The following ADCY7 variants were observed in gnomAD, a reference collection of about 807,000 sequenced individuals.
The protein encoded by ADCY7 is adenylate cyclase type 7.
Under a neutral mutation model 120.6 loss-of-function variants are expected in ADCY7, and 72 were observed. The observed-to-expected ratio is 0.60, with a 90% CI of 0.49 to 0.73. The LOEUF is 0.73. ADCY7 is among the 30% of genes least tolerant of loss of function. The probability of loss-of-function intolerance (pLI) is 0.00; values close to 1 mark genes in which losing one functional copy is unlikely to be tolerated. For synonymous variants in ADCY7, 661 were observed against 628.0 expected (o/e 1.05, Z -0.78); for missense variants, 1,227 against 1,486.0 (o/e 0.83, Z 2.87).
At position 50,290,450 on chromosome 16, in the gene ADCY7, C is replaced by T. The variant is rs768288122; in HGVS notation, c.172-7C>T. On this transcript the variant is annotated splice_region_variant and splice_polypyrimidine_tract_variant and intron_variant, in intron 2 of 25. Coordinates refer to ENST00000673801, the MANE Select transcript of ADCY7 (RefSeq NM_001114.5). ...CCGAGGCATTCCTGTCTGTTTGCTC[C>T]ACCCAGGACCCCTCCAGACACCAGG... 16 of 1,613,910 alleles carry T rather than the reference C, an allele frequency of 9.9e-6. No homozygotes were observed. The highest frequency in any genetic ancestry group is 1.3e-5 in the Non-Finnish European group (15 of 1,179,998).
intron 1 of ADCY7, among the ~76,000 whole-genome samples, chr16:50,256,901 T>G (rs961305639): frequency 1.3e-5 from 2 of 152,164 alleles, no homozygotes; most frequent in African/African-American, 4.8e-5. Flanking sequence ...TTATTCATAA[T>G]AGCCAAGATC....
rs2034699466 is a variant in ADCY7, at chr16:50,288,171, G to A, written c.-9G>A. The stretch of plus-strand genomic sequence containing the variant: ...GGCCCCTTAACGACACGCGTGCCAA[G>A]GGTGGAGGATGCCAGCCAAGGGGCG... On this transcript the variant is annotated 5_prime_UTR_variant, in exon 2 of 26. Transcript: ENST00000673801. The A allele has an allele frequency of 6.5e-7, 1 of 1,544,590 alleles. No individual in the cohort carries two copies. Among genetic ancestry groups the A allele is most frequent in the Non-Finnish European group, 8.7e-7 (1 of 1,143,016 alleles).
At position 50,310,427 on chromosome 16, in the gene ADCY7, C is replaced by T. The variant is rs1430999157; in HGVS notation, c.2161-260C>T. 3 of 1,533,492 alleles carry T rather than the reference C, an allele frequency of 2.0e-6. No homozygotes were observed. In the East Asian group the frequency reaches 7.3e-5, roughly 37 times the overall value. 95.0% of individuals were successfully genotyped at this position (1,533,492 alleles called of 1,614,324 possible). ...GATGCATGCACGCTCCGGCCTTGACCTTGACTGTGGTCTGTTGTATCCACA... is the reference window on the plus strand; with the variant it reads ...GATGCATGCACGCTCCGGCCTTGACTTTGACTGTGGTCTGTTGTATCCACA... On this transcript the variant is annotated intron_variant, in intron 18 of 25. Coordinates refer to ENST00000673801, the MANE Select transcript of ADCY7 (RefSeq NM_001114.5).
rs551904453 is a variant in ADCY7, at chr16:50,311,811, C to G, written c.2448+25C>G. 7.5e-4 allele frequency: 1,002 copies of G among 1,343,486 alleles called. 26 individuals are homozygous for G. Among genetic ancestry groups the G allele is most frequent in the South Asian group, 5.8e-3 (455 of 78,302 alleles). 83.2% of individuals were successfully genotyped at this position (1,343,486 alleles called of 1,614,324 possible). The stretch of plus-strand genomic sequence containing the variant: ...GGTAAGGAGGCTGGCCCCCCCCCCC[C>G]CCCCAAGCTCTGCCCACTTTTCCTC... On this transcript the variant is annotated intron_variant, in intron 20 of 25. Coordinates refer to ENST00000673801, the MANE Select transcript of ADCY7 (RefSeq NM_001114.5).
At chr16:50,268,012 G>T (rs1223021902) in intron 1 of ADCY7, among the ~76,000 whole-genome samples, 1 of 152,158 alleles carries the variant, frequency 6.6e-6, no homozygotes, top group Non-Finnish European at 1.5e-5. Flanking sequence ...CTCTCAGATT[G>T]TTCCAGATTC....
intron 15 of ADCY7, 128 bp downstream of exon 15, chr16:50,307,275 C>A: frequency 1.3e-6 from 1 of 791,046 alleles, no homozygotes; most frequent in South Asian, 1.7e-5. Context: ...AGCAACTGGA[C>A]CAGGGGCTGT....
intron 14 of ADCY7, among the ~76,000 whole-genome samples, chr16:50,306,116 G>A (rs56342387): frequency 0.15 from 22,704 of 152,240 alleles, 2,179 homozygotes; most frequent in Non-Finnish European, 0.21. Flanking sequence ...TCCGTCCAGT[G>A]CCAAAGCCTT....
At chr16:50,274,666 G>A (rs1567538866) in intron 1 of ADCY7, among the ~76,000 whole-genome samples, 1 of 152,184 alleles carries the variant, frequency 6.6e-6, no homozygotes, top group Non-Finnish European at 1.5e-5. Context: ...TCCGGGCCAG[G>A]TGGTGGCTTC....
At position 50,312,870 on chromosome 16, in the gene ADCY7, T is replaced by C. The variant is rs773912932; in HGVS notation, c.2605-20T>C. 6.3e-7 allele frequency: 1 copy of C among 1,598,446 alleles called. No individual in the cohort carries two copies. Among genetic ancestry groups the C allele is most frequent in the Non-Finnish European group, 8.5e-7 (1 of 1,170,134 alleles). On this transcript the variant is annotated intron_variant, in intron 21 of 25. Transcript: ENST00000673801. ...CCTCAAGAGGTGAAGTGGTGTAAGG[T>C]CCGGTTTCTTCCCATCCAGGACTGG...
intron 17 of ADCY7, chr16:50,309,154 G>A (rs772030588): frequency 7.6e-5 from 24 of 314,662 alleles, no homozygotes; most frequent in Non-Finnish European, 2.9e-5. Context: ...AGCAGCCTGC[G>A]GGACACTTGT....
At chr16:50,283,166 T>C (rs1872688) in intron 1 of ADCY7, among the ~76,000 whole-genome samples, 89,879 of 152,070 alleles carry the variant, frequency 0.59, 27,275 homozygotes, top group Middle Eastern at 0.68. Context: ...TCCAGAAGCC[T>C]GATGTGGACT....
intron 11 of ADCY7, 99 bp downstream of exon 11, chr16:50,304,650 C>A: frequency 7.8e-7 from 1 of 1,281,098 alleles, no homozygotes; most frequent in Non-Finnish European, 1.1e-6. Flanking sequence ...GCCTCACTGT[C>A]CCCATCTGTA....
At chr16:50,257,430 C>T (rs1357737419) in intron 1 of ADCY7, among the ~76,000 whole-genome samples, 1 of 152,102 alleles carries the variant, frequency 6.6e-6, no homozygotes, top group Non-Finnish European at 1.5e-5. Flanking sequence ...AGTTAATGTA[C>T]ATTTCAAAAT....
chr16:50,254,250 C>T (rs1406998499), intron 1 of ADCY7, among the ~76,000 whole-genome samples: 1 of 152,180 alleles, frequency 6.6e-6, no homozygotes, highest in East Asian at 1.9e-4. Context: ...CTCCACGCAC[C>T]CCTGCCTCCG....
In ADCY7 at chr16:50,317,894, TAACA is replaced by T. The variant is rs77844678; in HGVS notation, c.*2410_*2413del. On this transcript the variant is annotated 3_prime_UTR_variant, in exon 26 of 26. Transcript: ENST00000673801. ...TTTCTGGCTTATTGAGGAAATTTCC[TAACA>T]AACAAACAAACAAACAAACAGAAGA... 22,762 of 151,768 alleles carry T rather than the reference TAACA, an allele frequency of 0.15. 2,039 individuals are homozygous for T. Among genetic ancestry groups the T allele is most frequent in the Non-Finnish European group, 0.2 (13,786 of 67,856 alleles). The allele number at this position is 151,768 out of a possible 1,614,324, so 9.4% of individuals were successfully genotyped here. A position where few individuals can be genotyped will look rare whatever the true frequency, so the allele number is the denominator to read the frequency against.
intron 1 of ADCY7, among the ~76,000 whole-genome samples, chr16:50,284,233 G>C (rs574655665): frequency 6.6e-6 from 1 of 152,186 alleles, no homozygotes; most frequent in African/African-American, 2.4e-5. Flanking sequence ...CAGGCCTCAC[G>C]GTGCCCGGCT....
chr16:50,314,838 C>T, intron 24 of ADCY7, 176 bp from the exon 25 acceptor site: 1 of 745,542 alleles, frequency 1.3e-6, no homozygotes, highest in Non-Finnish European at 2.2e-6. Context: ...CGGGGAATGC[C>T]CTCCTCATAC....
Position 50,315,604 on chromosome 16 carries a change from G to A in ADCY7, c.*99G>A. On this transcript the variant is annotated 3_prime_UTR_variant, in exon 26 of 26. Coordinates refer to ENST00000673801, the MANE Select transcript of ADCY7 (RefSeq NM_001114.5). Reference sequence around the variant, plus strand: ...CGCCCCACGCCAATCCCAAAGGCATGCAGATGGCTGTGCATGTTGGCTTCT... The same window carrying A: ...CGCCCCACGCCAATCCCAAAGGCATACAGATGGCTGTGCATGTTGGCTTCT... The A allele has an allele frequency of 6.9e-7, 1 of 1,451,120 alleles. No homozygotes were observed. Among genetic ancestry groups the A allele is most frequent in the Non-Finnish European group, 9.4e-7 (1 of 1,065,882 alleles). The allele number at this position is 1,451,120 out of a possible 1,614,324, so 89.9% of individuals were successfully genotyped here.
At chr16:50,303,232 C>T (rs535050916) in intron 10 of ADCY7, among the ~76,000 whole-genome samples, 2 of 152,202 alleles carry the variant, frequency 1.3e-5, no homozygotes, top group Non-Finnish European at 2.9e-5. Context: ...ACAGGGCCAG[C>T]GCGCTCTTCC....
Sources: allele counts gnomAD v4.1 joint callset (sites outside exome capture counted in the v4.1 genomes callset), GRCh38; gene constraint gnomAD v4.1.1; transcripts MANE v1.5; gene names NCBI Gene and HGNC (gene_info 2026-07-23, HGNC 2026-07-21).